ST8SIA1: variants seen among roughly 807,000 people sequenced by gnomAD.
ST8SIA1 encodes the protein alpha-N-acetylneuraminide alpha-2,8-sialyltransferase.
In ST8SIA1, 16 loss-of-function variants were observed where a neutral mutation model predicts 35.9. The ratio of observed to expected loss-of-function variants is 0.45; its 90% CI spans 0.30 to 0.68. ST8SIA1 has a LOEUF of 0.68. ST8SIA1 is among the 30% of genes least tolerant of loss of function. The probability of loss-of-function intolerance (pLI) is 0.09; values close to 1 mark genes in which losing one functional copy is unlikely to be tolerated. For missense variants in ST8SIA1, 383 were observed against 453.6 expected, an observed-to-expected ratio of 0.84 and a Z score of 1.41; for synonymous variants, 170 against 169.6, an observed-to-expected ratio of 1.00 and a Z score of -0.02.
chr12:22,241,529 T>C (rs939970544), intron 4 of ST8SIA1, among the ~76,000 whole-genome samples: 7 of 152,044 alleles, frequency 4.6e-5, no homozygotes, highest in Non-Finnish European at 7.4e-5. Flanking sequence ...AACATCATGC[T>C]TCCTGTAAAG....
chr12:22,302,938 A>G (rs1306579673), intron 1 of ST8SIA1, among the ~76,000 whole-genome samples: 1 of 152,008 alleles, frequency 6.6e-6, no homozygotes, highest in African/African-American at 2.4e-5. Context: ...TACATCTTAC[A>G]TATATCAATG....
At chr12:22,246,963 G>C (rs1256525832) in intron 4 of ST8SIA1, among the ~76,000 whole-genome samples, 1 of 152,126 alleles carries the variant, frequency 6.6e-6, no homozygotes, top group Non-Finnish European at 1.5e-5. Flanking sequence ...TTTCTTCATA[G>C]TGAGCTTAAG....
intron 1 of ST8SIA1, among the ~76,000 whole-genome samples, chr12:22,296,777 A>C (rs574031636): frequency 2.6e-5 from 4 of 152,188 alleles, no homozygotes; most frequent in Non-Finnish European, 5.9e-5. Context: ...GAGCAGGAGC[A>C]TAGGGGTGGG....
intron 4 of ST8SIA1, among the ~76,000 whole-genome samples, chr12:22,212,825 G>C (rs139166893): frequency 5.9e-5 from 9 of 152,126 alleles, no homozygotes; most frequent in African/African-American, 7.2e-5. Context: ...TCTGCTAAGA[G>C]GTAGGCATAG....
At position 22,252,470 on chromosome 12, in the gene ST8SIA1, C is replaced by T. The variant is rs374416786; in HGVS notation, c.491+2810G>A. Among the ~76,000 whole-genome samples, 13 of 152,230 alleles carry T rather than the reference C, an allele frequency of 8.5e-5. No homozygotes were observed. The East Asian group carries it at 1.4e-3, about 16-fold the overall frequency. On this transcript the variant is annotated intron_variant, in intron 3 of 4. Transcript: ENST00000396037. ...AATAATTTATCAACTTTTATTACTC[C>T]TATAATTTAAAACATACATAAGGCT...
intron 1 of ST8SIA1, among the ~76,000 whole-genome samples, chr12:22,293,357 T>A (rs973107051): frequency 2.6e-5 from 4 of 152,268 alleles, no homozygotes; most frequent in Non-Finnish European, 5.9e-5. Context: ...TCAAATTTAA[T>A]CTTGTCTCCC....
chr12:22,325,289 G>T, intron 1 of ST8SIA1: 3 of 595,326 alleles, frequency 5.0e-6, no homozygotes, highest in Non-Finnish European at 9.0e-6. Flanking sequence ...GGGACGAAAG[G>T]CCCTTTTCTC....
intron 3 of ST8SIA1, among the ~76,000 whole-genome samples, chr12:22,251,124 C>T (rs1043770211): frequency 2.0e-5 from 3 of 152,184 alleles, no homozygotes; most frequent in African/African-American, 7.2e-5. Flanking sequence ...CAGGATAAAA[C>T]ACAGACTAAA....
At chr12:22,240,734 G>A (rs58570051) in intron 4 of ST8SIA1, among the ~76,000 whole-genome samples, 23,511 of 151,910 alleles carry the variant, frequency 0.15, 1,996 homozygotes, top group Middle Eastern at 0.28. Flanking sequence ...TTCCCCCTGC[G>A]ATTATCTCTA....
At chr12:22,217,249 T>A (rs377261806) in intron 4 of ST8SIA1, among the ~76,000 whole-genome samples, 26 of 152,332 alleles carry the variant, frequency 1.7e-4, no homozygotes, top group Middle Eastern at 6.8e-3. Flanking sequence ...GCAATTTATT[T>A]GTTTAAGTTT....
chr12:22,221,662 T>C (rs1288821920), intron 4 of ST8SIA1, among the ~76,000 whole-genome samples: 1 of 152,240 alleles, frequency 6.6e-6, no homozygotes, highest in Non-Finnish European at 1.5e-5. Flanking sequence ...ATTCAGAGGC[T>C]AAGTAAAAGC....
intron 4 of ST8SIA1, among the ~76,000 whole-genome samples, chr12:22,218,151 C>A (rs2120654292): frequency 6.6e-6 from 1 of 152,122 alleles, no homozygotes; most frequent in East Asian, 1.9e-4. Flanking sequence ...TGGCAAAACC[C>A]CATCTCTACA....
chr12:22,327,303 G>C (rs889299886), intron 1 of ST8SIA1, among the ~76,000 whole-genome samples: 6 of 152,156 alleles, frequency 3.9e-5, no homozygotes, highest in African/African-American at 1.4e-4. Flanking sequence ...GCAATCTGGG[G>C]ACACAGGGCA....
chr12:22,284,940 G>T (rs1421661415), intron 2 of ST8SIA1, among the ~76,000 whole-genome samples: 1 of 152,122 alleles, frequency 6.6e-6, no homozygotes, highest in East Asian at 1.9e-4. Flanking sequence ...ATAAAAAAAA[G>T]CTACTTTGGA....
At chr12:22,317,716 G>A (rs377217721) in intron 1 of ST8SIA1, among the ~76,000 whole-genome samples, 17 of 152,294 alleles carry the variant, frequency 1.1e-4, no homozygotes, top group South Asian at 6.2e-4. Context: ...CTGAAGTGGC[G>A]TGCCATCTCT....
intron 1 of ST8SIA1, among the ~76,000 whole-genome samples, chr12:22,316,869 C>A (rs1866527735): frequency 6.6e-6 from 1 of 152,092 alleles, no homozygotes; most frequent in Non-Finnish European, 1.5e-5. Flanking sequence ...TAATTTTTCA[C>A]CTATATATTG....
At chr12:22,232,106 G>A (rs939527363) in intron 4 of ST8SIA1, among the ~76,000 whole-genome samples, 3 of 152,126 alleles carry the variant, frequency 2.0e-5, no homozygotes, top group African/African-American at 7.2e-5. Flanking sequence ...AGTGCCCCCA[G>A]TCAGAAACTA....
chr12:22,266,712 T>C (rs1865852720), intron 2 of ST8SIA1, among the ~76,000 whole-genome samples: 1 of 152,012 alleles, frequency 6.6e-6, no homozygotes, highest in South Asian at 2.1e-4. Context: ...TGGGAGGATC[T>C]GTTGAACCTA....
At chr12:22,333,578 A>T (rs935543776) in intron 1 of ST8SIA1, among the ~76,000 whole-genome samples, 1 of 152,074 alleles carries the variant, frequency 6.6e-6, no homozygotes, top group African/African-American at 2.4e-5. Flanking sequence ...CCGACTGTGC[A>T]CTCCACCTCG....
Sources: gnomAD v4.1 joint callset for allele counts (sites outside exome capture counted in the v4.1 genomes callset) on GRCh38, gnomAD v4.1.1 for gene constraint, MANE v1.5 for transcripts, NCBI Gene and HGNC (gene_info 2026-07-23, HGNC 2026-07-21) for gene names.